Variants in FSTL4 observed in about 807,000 individuals in gnomAD.
FSTL4 encodes follistatin-related protein 4.
In FSTL4, 28 loss-of-function variants were observed where a neutral mutation model predicts 78.2. The observed-to-expected ratio is 0.36, with a 90% confidence interval of 0.27 to 0.49. The LOEUF is 0.49. FSTL4 is among the 20% of genes least tolerant of loss of function. The pLI is 0.98. For synonymous variants in FSTL4, 422 were observed against 440.5 expected, an observed-to-expected ratio of 0.96 and a Z score of 0.53; for missense variants, 922 against 1,084.9, an observed-to-expected ratio of 0.85 and a Z score of 2.11.
intron 4 of FSTL4, among the ~76,000 whole-genome samples, chr5:133,346,649 T>C (rs1249006050): frequency 6.6e-6 from 1 of 152,200 alleles, no homozygotes; most frequent in Non-Finnish European, 1.5e-5. Context: ...CAGTGGGTCA[T>C]TCTTTTTGAA....
the FSTL4 span, among the ~76,000 whole-genome samples, chr5:133,684,968 C>T: frequency 6.6e-6 from 1 of 152,180 alleles, no homozygotes; most frequent in African/African-American, 2.4e-5. Context: ...AGCAGACATG[C>T]TTCACTTTAG....
At chr5:133,730,416 CTT>C in the FSTL4 span, among the ~76,000 whole-genome samples, 1 of 152,206 alleles carries the variant, frequency 6.6e-6, no homozygotes, top group Admixed American at 6.5e-5. Context: ...GGAGACCTCA[CTT>C]TTATTCCCAG....
intron 4 of FSTL4, among the ~76,000 whole-genome samples, chr5:133,328,187 C>A (rs1339617447): frequency 6.6e-6 from 1 of 152,212 alleles, no homozygotes; most frequent in Non-Finnish European, 1.5e-5. Context: ...TGGAGCAGAT[C>A]CAGCCGACTC....
chr5:133,569,821 T>C (rs1760110443), intron 2 of FSTL4, among the ~76,000 whole-genome samples: 1 of 152,214 alleles, frequency 6.6e-6, no homozygotes, highest in South Asian at 2.1e-4. Context: ...ATTCTGTTTA[T>C]TATTTTAAAT....
the FSTL4 span, among the ~76,000 whole-genome samples, chr5:133,835,401 C>T: frequency 2.0e-5 from 3 of 152,208 alleles, no homozygotes; most frequent in African/African-American, 7.2e-5. Context: ...GTAAGAAGAA[C>T]ATGGTTCTGG....
intron 4 of FSTL4, among the ~76,000 whole-genome samples, chr5:133,396,202 A>G (rs1249648240): frequency 6.6e-6 from 1 of 152,222 alleles, no homozygotes; most frequent in Non-Finnish European, 1.5e-5. Context: ...ATAAGCCGTG[A>G]TGTTACAACG....
At chr5:133,659,554 C>G in the FSTL4 span, among the ~76,000 whole-genome samples, 5 of 151,488 alleles carry the variant, frequency 3.3e-5, no homozygotes, top group South Asian at 1.0e-3. Context: ...TAATGAATGA[C>G]TTTAAATTAT....
At chr5:133,713,690 G>A in the FSTL4 span, among the ~76,000 whole-genome samples, 61 of 152,288 alleles carry the variant, frequency 4.0e-4, no homozygotes, top group African/African-American at 1.4e-3. Flanking sequence ...CCAAGCCACT[G>A]GGTCCTGGGT....
the FSTL4 span, among the ~76,000 whole-genome samples, chr5:133,824,416 C>G: frequency 2.0e-5 from 3 of 152,220 alleles, no homozygotes; most frequent in Non-Finnish European, 4.4e-5. Flanking sequence ...GTGCCCCCAT[C>G]CTGAGGCTAT....
intron 4 of FSTL4, among the ~76,000 whole-genome samples, chr5:133,331,023 G>A (rs949363078): frequency 3.3e-5 from 5 of 152,210 alleles, no homozygotes; most frequent in Admixed American, 1.3e-4. Flanking sequence ...TCATGCCTGG[G>A]GGCCATGGAG....
At chr5:133,503,810 T>C (rs1425215472) in intron 3 of FSTL4, among the ~76,000 whole-genome samples, 3 of 152,250 alleles carry the variant, frequency 2.0e-5, no homozygotes, top group Non-Finnish European at 4.4e-5. Flanking sequence ...TCCATCATTG[T>C]ATTAGTCCAT....
At chr5:133,806,650 C>T in the FSTL4 span, among the ~76,000 whole-genome samples, 1,091 of 152,312 alleles carry the variant, frequency 7.2e-3, 10 homozygotes, top group Middle Eastern at 0.027. Context: ...CTGAGCTCGA[C>T]GTTCAGGGGC....
chr5:133,537,785 T>C lies in FSTL4; in HGVS notation c.160+29401A>G, dbSNP rs1484796936. 2.0e-5 allele frequency among the ~76,000 whole-genome samples: 3 copies of C among 148,508 alleles called. No individual in the cohort carries two copies. In the East Asian group the frequency reaches 5.9e-4, roughly 29 times the overall value. ...ATTTGCTTATCATTTCTCTCTCACA[T>C]ATATATATATATACACACACACACA... is the stretch of plus-strand genomic sequence containing the variant. On this transcript the variant is annotated intron_variant, in intron 3 of 15. Transcript: ENST00000265342.
At chr5:133,451,428 G>T (rs1345880137) in intron 3 of FSTL4, among the ~76,000 whole-genome samples, 2 of 152,144 alleles carry the variant, frequency 1.3e-5, no homozygotes, top group East Asian at 3.9e-4. Flanking sequence ...GGGCATGGTG[G>T]CAGGCACCTG....
At chr5:133,254,291 G>T (rs1752331446) in intron 6 of FSTL4, among the ~76,000 whole-genome samples, 1 of 152,228 alleles carries the variant, frequency 6.6e-6, no homozygotes, top group South Asian at 2.1e-4. Flanking sequence ...CTGTATGTGG[G>T]ATCCCAGAGG....
upstream of FSTL4, among the ~76,000 whole-genome samples, chr5:133,616,478 T>G (rs973735375): frequency 1.3e-5 from 2 of 152,096 alleles, no homozygotes; most frequent in African/African-American, 4.8e-5. Flanking sequence ...CACAGCTCAC[T>G]GTAGCCTCAA....
the FSTL4 span, among the ~76,000 whole-genome samples, chr5:133,777,484 T>C: frequency 1.3e-5 from 2 of 152,338 alleles, no homozygotes; most frequent in East Asian, 1.9e-4. Context: ...TTGAAAACTA[T>C]TTTTTAGATA....
chr5:133,440,913 G>A lies in FSTL4; in HGVS notation c.161-39927C>T, dbSNP rs1352843158. ...CTCCTGCACTTGGCCTCCTGGGTCT[G>A]GGTCAGGGCCAGCCCTGCTCCTGAG... On this transcript the variant is annotated intron_variant, in intron 3 of 15. Transcript: ENST00000265342. The surrounding 1 kb of genome is among the most constrained non-coding windows in gnomAD (Gnocchi z 4.1). 2.6e-5 allele frequency among the ~76,000 whole-genome samples: 4 copies of A among 152,184 alleles called. No individual in the cohort carries two copies. The highest frequency in any genetic ancestry group is 5.9e-5 in the Non-Finnish European group (4 of 68,032).
At chr5:133,628,399 G>A in the FSTL4 span, among the ~76,000 whole-genome samples, 1 of 144,800 alleles carries the variant, frequency 6.9e-6, no homozygotes, top group Non-Finnish European at 1.5e-5. Flanking sequence ...TGCTCCTGTT[G>A]CCCAGGCTGG....
Sources: gnomAD v4.1 joint callset for allele counts (sites outside exome capture counted in the v4.1 genomes callset) on GRCh38, gnomAD v4.1.1 for gene constraint, Gnocchi (gnomAD v3.1) non-coding constraint, MANE v1.5 for transcripts, NCBI Gene and HGNC (gene_info 2026-07-23, HGNC 2026-07-21) for gene names.